CFAP92: variants seen among roughly 807,000 people sequenced by gnomAD.
CFAP92 encodes uncharacterized protein CFAP92.
CFAP92 carries 86 observed loss-of-function variants against 106.3 expected under a neutral mutation model. The observed-to-expected ratio is 0.81, with a 90% CI of 0.68 to 0.97. The LOEUF (loss-of-function observed/expected upper bound fraction) is 0.97. Ranked by LOEUF, CFAP92 falls within the 50% of genes least tolerant of loss-of-function variation. CFAP92 has a pLI of 0.00. For missense variants in CFAP92, 1,204 were observed against 1,283.8 expected (o/e 0.94, Z 0.95); for synonymous variants, 477 against 506.4 (o/e 0.94, Z 0.78).
chr3:128,935,203 G>A lies in CFAP92; in HGVS notation c.2375C>T (p.Pro792Leu). The A allele has an allele frequency of 6.5e-7, 1 of 1,536,076 alleles. No homozygotes were observed. The highest frequency in any genetic ancestry group is 8.7e-7 in the Non-Finnish European group (1 of 1,146,860). The change falls in exon 11 of 16, where the codon CCC becomes CTC. Residue 792 changes from proline to leucine, a missense_variant. Transcript: ENST00000645291. ...AILYHVHLFQ[P>L]TELLLQQAVF... ...CGCCTGCTGCAGCAGCAGCTCCGTG[G>A]GCTGGAAGAGGTGCACGTGGTACAG...
At chr3:128,937,540 C>T (rs1025701152) in intron 10 of CFAP92, among the ~76,000 whole-genome samples, 16 of 151,372 alleles carry the variant, frequency 1.1e-4, no homozygotes, top group African/African-American at 3.6e-4. Flanking sequence ...GCGGAGCTTG[C>T]GGTGGGTGAG....
At chr3:128,963,063 G>T (rs535545604) in intron 9 of CFAP92, among the ~76,000 whole-genome samples, 1 of 152,280 alleles carries the variant, frequency 6.6e-6, no homozygotes, top group South Asian at 2.1e-4. Context: ...CTGTACTGCC[G>T]CAAGGCTTCA....
At chr3:128,921,929 C>T (rs925138158) in intron 12 of CFAP92, among the ~76,000 whole-genome samples, 4 of 152,270 alleles carry the variant, frequency 2.6e-5, no homozygotes, top group African/African-American at 7.2e-5. Flanking sequence ...AAGGTCCCCA[C>T]GGGTGTTAGG....
At chr3:128,971,578 C>T (rs1942798733) in intron 7 of CFAP92, 145 bp from the exon 8 acceptor site, 1 of 683,652 alleles carries the variant, frequency 1.5e-6, no homozygotes, top group African/African-American at 1.8e-5. Flanking sequence ...CTGCCTCTTC[C>T]CAGCAACCAG....
chr3:128,980,457 T>C (rs943045969), intron 4 of CFAP92, among the ~76,000 whole-genome samples: 1 of 151,818 alleles, frequency 6.6e-6, no homozygotes. Context: ...TGTTGACAGC[T>C]GCTCAGTGAT....
chr3:128,951,775 C>G (rs1327743699), intron 9 of CFAP92, among the ~76,000 whole-genome samples: 2 of 152,084 alleles, frequency 1.3e-5, no homozygotes, highest in African/African-American at 2.4e-5. Context: ...AAAATCATGC[C>G]CCACCCCAGA....
chr3:128,975,619 A>T (rs1943103950), intron 7 of CFAP92, among the ~76,000 whole-genome samples, 160 bp downstream of exon 7: 1 of 152,172 alleles, frequency 6.6e-6, no homozygotes, highest in African/African-American at 2.4e-5. Context: ...GACGGTAAGG[A>T]TGGGATGCAT....
chr3:129,011,523 C>A, the CFAP92 span, among the ~76,000 whole-genome samples: 1 of 151,110 alleles, frequency 6.6e-6, no homozygotes, highest in Non-Finnish European at 1.5e-5. Context: ...TGTACTGCAG[C>A]CTGGGTGACA....
Position 128,932,960 on chromosome 3 carries a change from C to T in CFAP92, c.2491G>A (p.Asp831Asn), listed in dbSNP as rs1436924886. 2 of 1,536,146 alleles carry T rather than the reference C, an allele frequency of 1.3e-6. No homozygotes were observed. The highest frequency in any genetic ancestry group is 2.0e-5 in the Admixed American group (1 of 50,990). The change falls in exon 12 of 16, where the codon GAC (aspartate) becomes AAC (asparagine). Residue 831 changes from aspartate (D) to asparagine (N), a missense_variant. Transcript: ENST00000645291. ...GGCAGCAGGTCCCTCACCGTCACGT[C>T]CCAGAGGGTGGTGCTGTTATAGCAG... ...DICYNSTTLWDVTVRDLLPSS... is the reference protein window; with the variant it reads ...DICYNSTTLWNVTVRDLLPSS...
the CFAP92 span, among the ~76,000 whole-genome samples, chr3:129,021,496 C>T: frequency 6.6e-6 from 1 of 152,142 alleles, no homozygotes; most frequent in African/African-American, 2.4e-5. Flanking sequence ...ATCGCTTGAA[C>T]CCGGGAGGCG....
In CFAP92 at chr3:128,946,579, C is replaced by G. The variant is rs370051969; in HGVS notation, c.1354-604G>C. ...TGAGATTTTATCATCACAAATTAAG[C>G]CTTACACAAGTCTGTGGTCTGAATT... On this transcript the variant is annotated intron_variant, in intron 9 of 15. Transcript: ENST00000645291. Among the ~76,000 whole-genome samples, 5 of 152,308 alleles carry G rather than the reference C, an allele frequency of 3.3e-5. No individual in the cohort carries two copies. The South Asian group carries it at 8.3e-4, about 25-fold the overall frequency.
chr3:128,916,050 C>A, intron 13 of CFAP92, 57 bp downstream of exon 13: 1 of 1,193,716 alleles, frequency 8.4e-7, no homozygotes, highest in South Asian at 4.3e-5. Flanking sequence ...CAGGCATGGT[C>A]AGAATAAAGA....
chr3:128,945,051 AT>A lies in CFAP92; in HGVS notation c.2258+19del. ...CCAGATGCCATCATTTTTATGTAAA[AT>A]GTAAAACAAACCACCTACCAGCTTT... On this transcript the variant is annotated intron_variant, in intron 10 of 15. Transcript: ENST00000645291. 6.7e-7 allele frequency: 1 copy of A among 1,488,980 alleles called. No individual in the cohort carries two copies. Among genetic ancestry groups the A allele is most frequent in the Non-Finnish European group, 8.9e-7 (1 of 1,122,708 alleles). 92.2% of individuals were successfully genotyped at this position (1,488,980 alleles called of 1,614,324 possible).
intron 9 of CFAP92, among the ~76,000 whole-genome samples, chr3:128,961,540 T>A (rs1297721565): frequency 6.6e-6 from 1 of 152,166 alleles, no homozygotes; most frequent in Non-Finnish European, 1.5e-5. Flanking sequence ...TGCCCAGCAA[T>A]TTACTCTTAA....
chr3:129,022,365 T>C, the CFAP92 span, among the ~76,000 whole-genome samples: 1 of 151,948 alleles, frequency 6.6e-6, no homozygotes, highest in East Asian at 1.9e-4. Flanking sequence ...GGAACCCAGG[T>C]TTGCGGCTCC....
chr3:128,996,829 G>A (rs771041357), upstream of CFAP92, among the ~76,000 whole-genome samples: 17 of 152,312 alleles, frequency 1.1e-4, no homozygotes, highest in South Asian at 8.3e-4. Flanking sequence ...CTCTTCGTGG[G>A]CCCGCTGGTT....
upstream of CFAP92, among the ~76,000 whole-genome samples, chr3:128,995,189 T>C (rs4585222): frequency 0.28 from 42,554 of 152,100 alleles, 6,417 homozygotes; most frequent in African/African-American, 0.37. Flanking sequence ...AGAGCAAAAC[T>C]GTGGCGCAGC....
intron 7 of CFAP92, among the ~76,000 whole-genome samples, chr3:128,974,232 C>G (rs1194177653): frequency 6.6e-6 from 1 of 152,144 alleles, no homozygotes; most frequent in Non-Finnish European, 1.5e-5. Flanking sequence ...CAGGAAACAA[C>G]AGATTAACTG....
chr3:129,002,867 C>T (rs948425587), upstream of CFAP92, among the ~76,000 whole-genome samples: 4 of 152,190 alleles, frequency 2.6e-5, no homozygotes, highest in African/African-American at 9.7e-5. Context: ...GTGGCTCACA[C>T]TGTGGATCAG....
Sources: gnomAD v4.1 joint callset for allele counts (sites outside exome capture counted in the v4.1 genomes callset) on GRCh38, gnomAD v4.1.1 for gene constraint, MANE v1.5 for transcripts, NCBI Gene and HGNC (gene_info 2026-07-23, HGNC 2026-07-21) for gene names.